Variants in CALCR observed in about 807,000 individuals in gnomAD.
The protein encoded by CALCR is calcitonin receptor.
CALCR carries 47 observed loss-of-function variants against 59.5 expected under a neutral mutation model. The observed-to-expected ratio is 0.79, with a 90% CI of 0.63 to 1.01. The LOEUF (loss-of-function observed/expected upper bound fraction) is 1.01, where lower values mean the gene tolerates loss of function less well. Ranked by LOEUF, CALCR falls within the 50% of genes least tolerant of loss-of-function variation. CALCR has a pLI of 0.00. For missense variants in CALCR, 566 were observed against 597.1 expected (o/e 0.95, Z 0.54); for synonymous variants, 213 against 211.3 (o/e 1.01, Z -0.07).
At chr7:93,539,678 A>T (rs1412426494) in intron 2 of CALCR, among the ~76,000 whole-genome samples, 1 of 152,074 alleles carries the variant, frequency 6.6e-6, no homozygotes. Flanking sequence ...AACGCCTCTG[A>T]AAGGCTTGGT....
chr7:93,469,585 T>C (rs1562986303), intron 6 of CALCR, among the ~76,000 whole-genome samples: 1 of 151,736 alleles, frequency 6.6e-6, no homozygotes, highest in Non-Finnish European at 1.5e-5. Flanking sequence ...TCTCTCTCTC[T>C]TTCTCTCTCT....
At position 93,479,435 on chromosome 7, in the gene CALCR, C is replaced by T. The variant is rs544410123; in HGVS notation, c.124G>A (p.Val42Ile). The T allele has an allele frequency of 1.4e-5, 23 of 1,612,464 alleles. No individual in the cohort carries two copies. In the East Asian group the frequency reaches 1.6e-4, roughly 11 times the overall value. The change falls in exon 4 of 14, where the codon GTC becomes ATC. Residue 42 changes from valine (V) to isoleucine (I), a missense_variant. Physicochemically the swap from Val to Ile is conservative, Grantham distance 29. Transcript: ENST00000426151. ...TCCATCATCTTCTTTCGTCCTACGA[C>T]GTAAAGAAATGGCTTGGGCTCTATT... is the stretch of plus-strand genomic sequence containing the variant. ...PTIEPKPFLYVVGRKKMMDAQ... is the reference protein window; with the variant it reads ...PTIEPKPFLYIVGRKKMMDAQ...
intron 2 of CALCR, among the ~76,000 whole-genome samples, chr7:93,515,613 C>T (rs1394458312): frequency 6.6e-6 from 1 of 152,006 alleles, no homozygotes; most frequent in African/African-American, 2.4e-5. Context: ...TATACACATA[C>T]ACCATTTGCA....
intron 2 of CALCR, among the ~76,000 whole-genome samples, chr7:93,557,251 G>A (rs915247147): frequency 6.6e-6 from 1 of 151,658 alleles, no homozygotes; most frequent in Non-Finnish European, 1.5e-5. Context: ...GTACACATCT[G>A]ATAGTTTTTA....
rs1346815815 is a variant in CALCR at position 93,486,274 on chromosome 7, CA to C, written c.51+656del. Among the ~76,000 whole-genome samples the C allele has an allele frequency of 2.0e-4, 31 of 151,556 alleles. 1 individual carries two copies. The highest frequency in any genetic ancestry group is 2.0e-3 in the Admixed American group (31 of 15,174). ...TGATGGTAGGTTAACAATGTTGACA[CA>C]AATAATAGGCATTGATAGTGTTCTC... On this transcript the variant is annotated intron_variant, in intron 3 of 13. Coordinates refer to ENST00000426151, the MANE Select transcript of CALCR (RefSeq NM_001742.4).
chr7:93,445,649 A>G (rs1799993303), intron 8 of CALCR, among the ~76,000 whole-genome samples: 1 of 152,058 alleles, frequency 6.6e-6, no homozygotes, highest in Non-Finnish European at 1.5e-5. Flanking sequence ...TCACCCAGCA[A>G]TCAATAGCTA....
In CALCR at chr7:93,466,845, C is replaced by T. The variant is rs905101346; in HGVS notation, c.521+1870G>A. On this transcript the variant is annotated intron_variant, in intron 7 of 13. Coordinates refer to ENST00000426151, the MANE Select transcript of CALCR (RefSeq NM_001742.4). ...TGCCCTTGTGCCACACTTTAACACA[C>T]CCATCTTCAGTAGCTTAATATAGAA... is the stretch of plus-strand genomic sequence containing the variant. Among the ~76,000 whole-genome samples the T allele has an allele frequency of 2.6e-5, 4 of 151,628 alleles. No individual in the cohort carries two copies. The Admixed American group carries it at 2.6e-4, about 10-fold the overall frequency.
intron 2 of CALCR, among the ~76,000 whole-genome samples, chr7:93,495,024 G>A (rs192069600): frequency 5.9e-5 from 9 of 151,486 alleles, no homozygotes; most frequent in African/African-American, 1.9e-4. Context: ...ATTTAAAACA[G>A]GCAAGATTCC....
At chr7:93,471,004 C>T (rs1359756118) in intron 6 of CALCR, among the ~76,000 whole-genome samples, 1 of 149,538 alleles carries the variant, frequency 6.7e-6, no homozygotes, top group Non-Finnish European at 1.5e-5. Context: ...CAATTCCCAC[C>T]TATGAGTGAG....
chr7:93,458,671 A>G (rs1019073104), intron 8 of CALCR, among the ~76,000 whole-genome samples: 1 of 152,110 alleles, frequency 6.6e-6, no homozygotes, highest in Admixed American at 6.6e-5. Context: ...GCCGTGTCCT[A>G]AGACAGAAGT....
intron 2 of CALCR, among the ~76,000 whole-genome samples, chr7:93,546,378 G>A (rs1314508601): frequency 6.6e-6 from 1 of 152,004 alleles, no homozygotes; most frequent in East Asian, 1.9e-4. Context: ...TGACAAAGAC[G>A]CTATTATTAT....
At chr7:93,450,830 A>G (rs1800094037) in intron 8 of CALCR, among the ~76,000 whole-genome samples, 1 of 151,968 alleles carries the variant, frequency 6.6e-6, no homozygotes, top group Admixed American at 6.6e-5. Context: ...ATAATGAACC[A>G]CTGTAATATA....
At chr7:93,509,320 A>C (rs1002379142) in intron 2 of CALCR, among the ~76,000 whole-genome samples, 1 of 152,184 alleles carries the variant, frequency 6.6e-6, no homozygotes, top group African/African-American at 2.4e-5. Flanking sequence ...AGTTGCAGGC[A>C]ACTCTAAAAT....
intron 8 of CALCR, among the ~76,000 whole-genome samples, chr7:93,448,410 A>C (rs114845692): frequency 0.024 from 3,600 of 152,106 alleles, 120 homozygotes; most frequent in African/African-American, 0.076. Flanking sequence ...ATTTGATTAA[A>C]ATGCATACTT....
chr7:93,521,936 A>G (rs1801773390), intron 2 of CALCR, among the ~76,000 whole-genome samples: 1 of 152,176 alleles, frequency 6.6e-6, no homozygotes, highest in African/African-American at 2.4e-5. Context: ...TGGAGAAATC[A>G]GAAAACTACC....
At chr7:93,495,066 C>A (rs1341896978) in intron 2 of CALCR, among the ~76,000 whole-genome samples, 1 of 151,304 alleles carries the variant, frequency 6.6e-6, no homozygotes, top group Non-Finnish European at 1.5e-5. Context: ...AGTTCAGTGA[C>A]CTTCAGGAGA....
intron 2 of CALCR, among the ~76,000 whole-genome samples, chr7:93,562,071 C>T (rs1789763571): frequency 6.6e-6 from 1 of 151,884 alleles, no homozygotes; most frequent in African/African-American, 2.4e-5. Flanking sequence ...AATGATTCAT[C>T]CAAGAATCTT....
At chr7:93,570,352 T>C (rs755232443) in intron 2 of CALCR, among the ~76,000 whole-genome samples, 14 of 152,034 alleles carry the variant, frequency 9.2e-5, no homozygotes, top group Non-Finnish European at 1.9e-4. Context: ...TTAATGATAA[T>C]AAAAACTTAA....
chr7:93,571,116 T>A (rs1322537862), intron 2 of CALCR, among the ~76,000 whole-genome samples: 2 of 152,198 alleles, frequency 1.3e-5, no homozygotes, highest in Admixed American at 1.3e-4. Flanking sequence ...CAAGTTAGTA[T>A]CATTATGAAA....
Sources: allele counts gnomAD v4.1 joint callset (sites outside exome capture counted in the v4.1 genomes callset), GRCh38; gene constraint gnomAD v4.1.1; transcripts MANE v1.5; gene names NCBI Gene and HGNC (gene_info 2026-07-23, HGNC 2026-07-21).